HERC4: variants seen among roughly 807,000 people sequenced by gnomAD.
HERC4 encodes the protein HECT and RLD domain containing E3 ubiquitin protein ligase 4, also known as probable E3 ubiquitin-protein ligase HERC4.
Under a neutral mutation model 124.3 loss-of-function variants are expected in HERC4, and 28 were observed. The ratio of observed to expected loss-of-function variants is 0.23; its 90% CI spans 0.17 to 0.31. The LOEUF (loss-of-function observed/expected upper bound fraction) is 0.31, where lower values mean the gene tolerates loss of function less well. HERC4 is among the 10% of genes least tolerant of loss of function. The pLI is 1.00. For missense variants in HERC4, 713 were observed against 1,229.3 expected, an observed-to-expected ratio of 0.58 and a Z score of 6.28; for synonymous variants, 407 against 421.5, an observed-to-expected ratio of 0.97 and a Z score of 0.42.
chr10:68,034,978 A>T (rs1348321084), intron 5 of HERC4, among the ~76,000 whole-genome samples: 1 of 152,028 alleles, frequency 6.6e-6, no homozygotes, highest in Admixed American at 6.6e-5. Context: ...TTGCTCCCAT[A>T]TTGCCATCGT....
At chr10:67,958,917 T>C (rs570261516) in intron 16 of HERC4, among the ~76,000 whole-genome samples, 1 of 152,312 alleles carries the variant, frequency 6.6e-6, no homozygotes, top group African/African-American at 2.4e-5. Context: ...TAACAGAATT[T>C]CATTTTCTTC....
At chr10:67,974,418 A>T (rs1474941754) in intron 15 of HERC4, among the ~76,000 whole-genome samples, 1 of 152,236 alleles carries the variant, frequency 6.6e-6, no homozygotes, top group Admixed American at 6.5e-5. Flanking sequence ...GAAGAATAAC[A>T]AAAGTATTAT....
intron 24 of HERC4, among the ~76,000 whole-genome samples, chr10:67,924,223 C>T (rs1220459359): frequency 2.0e-5 from 3 of 151,996 alleles, no homozygotes; most frequent in East Asian, 3.9e-4. Context: ...GACATTGGTC[C>T]CTCAACAATA....
chr10:68,037,195 A>C (rs2039524259), intron 5 of HERC4, among the ~76,000 whole-genome samples: 1 of 150,564 alleles, frequency 6.6e-6, no homozygotes, highest in Non-Finnish European at 1.5e-5. Context: ...CCCGGGTTCA[A>C]GCGATTCTCC....
chr10:68,005,220 A>G (rs1470032990), intron 9 of HERC4, among the ~76,000 whole-genome samples: 1 of 152,112 alleles, frequency 6.6e-6, no homozygotes, highest in East Asian at 1.9e-4. Context: ...TGGGTTTTCT[A>G]GTGTTGGGTG....
chr10:67,977,857 T>C (rs965034557), intron 15 of HERC4, among the ~76,000 whole-genome samples: 1 of 151,552 alleles, frequency 6.6e-6, no homozygotes, highest in Non-Finnish European at 1.5e-5. Context: ...GTCACATGCC[T>C]GTAGTCCCAG....
chr10:68,007,024 T>G (rs892779845), intron 9 of HERC4, among the ~76,000 whole-genome samples: 3 of 152,212 alleles, frequency 2.0e-5, no homozygotes, highest in African/African-American at 7.2e-5. Flanking sequence ...TCTTTAGGAT[T>G]GAAAAGGTCT....
intron 22 of HERC4, 29 bp downstream of exon 22, chr10:67,936,124 T>A: frequency 7.1e-7 from 1 of 1,409,332 alleles, no homozygotes; most frequent in South Asian, 1.3e-5. Context: ...ATCTTATTAC[T>A]CCCACTGTTG....
intron 9 of HERC4, among the ~76,000 whole-genome samples, chr10:67,999,680 A>T (rs910260674): frequency 1.3e-5 from 2 of 152,234 alleles, no homozygotes; most frequent in African/African-American, 2.4e-5. Context: ...GACATAAGAA[A>T]GAATGAACTG....
chr10:67,970,337 A>AT (rs2035153422), intron 15 of HERC4, among the ~76,000 whole-genome samples: 1 of 152,232 alleles, frequency 6.6e-6, no homozygotes, highest in African/African-American at 2.4e-5. Context: ...CATGCCTGTA[A>AT]TCCCAGCACT....
At chr10:67,992,365 T>C in intron 10 of HERC4, 42 bp from the exon 11 acceptor site, 1 of 1,590,008 alleles carries the variant, frequency 6.3e-7, no homozygotes, top group East Asian at 2.2e-5. Context: ...AGAGATATTA[T>C]ATATAACTCA....
intron 15 of HERC4, among the ~76,000 whole-genome samples, chr10:67,969,858 C>A (rs2035124628): frequency 6.6e-6 from 1 of 152,164 alleles, no homozygotes; most frequent in Non-Finnish European, 1.5e-5. Context: ...AAAACCAAGG[C>A]TATACCACAA....
At position 67,948,594 on chromosome 10, in the gene HERC4, C is replaced by A. The variant is rs551467945; in HGVS notation, c.2337+6001G>T. 2.6e-5 allele frequency among the ~76,000 whole-genome samples: 4 copies of A among 152,226 alleles called. No individual in the cohort carries two copies. The East Asian group carries it at 5.8e-4, about 22-fold the overall frequency. On this transcript the variant is annotated intron_variant, in intron 19 of 24. Transcript: ENST00000373700. Reference sequence around the variant, plus strand: ...TTGGTGGGAAGGTAAACTAGTACAACCACTATGGAAAACAGTGTGGAGATT... The same window carrying A: ...TTGGTGGGAAGGTAAACTAGTACAAACACTATGGAAAACAGTGTGGAGATT...
At chr10:67,994,291 T>A (rs1481039504) in intron 9 of HERC4, 1 of 152,246 alleles carries the variant, frequency 6.6e-6, no homozygotes, top group African/African-American at 2.4e-5. Flanking sequence ...GGATGTTATT[T>A]ATTTACTCTT....
chr10:67,937,427 G>A (rs2032461675), intron 21 of HERC4, among the ~76,000 whole-genome samples: 1 of 152,066 alleles, frequency 6.6e-6, no homozygotes, highest in African/African-American at 2.4e-5. Flanking sequence ...TTTGAATATA[G>A]TAAGAATTCA....
chr10:68,004,876 G>C (rs767587356), intron 9 of HERC4, among the ~76,000 whole-genome samples: 3 of 152,128 alleles, frequency 2.0e-5, no homozygotes, highest in East Asian at 1.9e-4. Flanking sequence ...CCTCCACCGG[G>C]TCTCTCCGTT....
chr10:67,926,587 C>CAA (rs2031003115), intron 23 of HERC4, among the ~76,000 whole-genome samples: 1 of 152,164 alleles, frequency 6.6e-6, no homozygotes. Context: ...CTACACCACT[C>CAA]AGACACATCC....
chr10:68,010,888 G>A (rs1224220596), intron 9 of HERC4: 35 of 1,442,380 alleles, frequency 2.4e-5, no homozygotes, highest in Non-Finnish European at 3.3e-5. Flanking sequence ...CTGGATGAAG[G>A]GTATTTTTTA....
Position 68,059,481 on chromosome 10 carries a change from T to TTATATATTATAATATTATATATTATAA in HERC4, c.226+13401_226+13402insTTATAATATATAATATTATAATATATA, listed in dbSNP as rs1491551691. Among the ~76,000 whole-genome samples, 19 of 130,488 alleles carry TTATATATTATAATATTATATATTATAA rather than the reference T, an allele frequency of 1.5e-4. No homozygotes were observed. In the South Asian group the frequency reaches 3.5e-3, roughly 24 times the overall value. 85.6% of individuals were successfully genotyped at this position (130,488 alleles called of 152,430 possible). A position where few individuals can be genotyped will look rare whatever the true frequency, so the allele number is the denominator to read the frequency against. On this transcript the variant is annotated intron_variant, in intron 3 of 24. Transcript: ENST00000373700. Reference sequence around the variant, plus strand: ...TATAATAATATTATATATTATAATATTATATATTATAACATTATATATTAT... The same window carrying TTATATATTATAATATTATATATTATAA: ...TATAATAATATTATATATTATAATATTATATATTATAATATTATATATTATAATATATATTATAACATTATATATTAT...
Sources: allele counts gnomAD v4.1 joint callset (sites outside exome capture counted in the v4.1 genomes callset), GRCh38; gene constraint gnomAD v4.1.1; transcripts MANE v1.5; gene names NCBI Gene and HGNC (gene_info 2026-07-23, HGNC 2026-07-21).